Variants in ARID4A observed in about 807,000 individuals in gnomAD.
ARID4A encodes the protein AT-rich interactive domain-containing protein 4A.
ARID4A carries 39 observed loss-of-function variants against 148.6 expected under a neutral mutation model. The observed-to-expected ratio is 0.26, with a 90% CI of 0.20 to 0.34. ARID4A has a LOEUF of 0.34. Among genes scored for constraint, ARID4A ranks in the 10% least tolerant of loss-of-function variants. The pLI is 1.00. For synonymous variants in ARID4A, 475 were observed against 481.2 expected, an observed-to-expected ratio of 0.99 and a Z score of 0.17; for missense variants, 1,265 against 1,449.1, an observed-to-expected ratio of 0.87 and a Z score of 2.06.
Position 58,373,153 on chromosome 14 carries a change from C to A in ARID4A, c.*1164C>A. 1 of 199,978 alleles carries A rather than the reference C, an allele frequency of 5.0e-6. No homozygotes were observed. The highest frequency in any genetic ancestry group is 1.0e-5 in the Non-Finnish European group (1 of 96,756). 12.4% of individuals were successfully genotyped at this position (199,978 alleles called of 1,614,324 possible). ...TTTGAGGATCAAATTTTTGGTTGCC[C>A]TTAAGATACTTTGTCACAGTTTTTA... On this transcript the variant is annotated 3_prime_UTR_variant, in exon 24 of 24. Transcript: ENST00000355431.
intron 23 of ARID4A, among the ~76,000 whole-genome samples, chr14:58,369,607 T>C (rs1474703474): frequency 1.3e-5 from 1 of 78,982 alleles, no homozygotes; most frequent in African/African-American, 4.5e-5. Flanking sequence ...AGAGTGAGAG[T>C]CTGTCTCAAA....
intron 19 of ARID4A, among the ~76,000 whole-genome samples, chr14:58,363,864 T>C (rs8004706): frequency 0.89 from 135,578 of 152,110 alleles, 60,846 homozygotes; most frequent in East Asian, 1. Flanking sequence ...GGTACTAATC[T>C]TTTGATCTTT....
At chr14:58,353,295 A>G (rs936491091) in intron 16 of ARID4A, among the ~76,000 whole-genome samples, 1 of 152,140 alleles carries the variant, frequency 6.6e-6, no homozygotes, top group Admixed American at 6.5e-5. Flanking sequence ...GTCAAAAGTG[A>G]TTGATTACAG....
At position 58,366,039 on chromosome 14, in the gene ARID4A, G is replaced by T. The variant is rs1322503857; in HGVS notation, c.3332G>T (p.Ser1111Ile). ...TTATTTATAGGACAAAGCAGTGATA[G>T]TGAAGATCTTCCTGTCCTAGACAAT... ...EKNGTGQSSD[S>I]EDLPVLDNSS... Residue 1111 changes from serine to isoleucine, a missense_variant, in exon 22 of 24, where the codon AGT (serine) becomes ATT (isoleucine). Coordinates refer to ENST00000355431, the MANE Select transcript of ARID4A (RefSeq NM_002892.4). 6.2e-7 allele frequency: 1 copy of T among 1,612,396 alleles called. No individual in the cohort carries two copies.
chr14:58,360,206 CA>C (rs1194125123), intron 18 of ARID4A, among the ~76,000 whole-genome samples: 5 of 152,152 alleles, frequency 3.3e-5, no homozygotes, highest in Non-Finnish European at 7.4e-5. Context: ...CTTTCAAACT[CA>C]AATTCCTGTA....
intron 11 of ARID4A, among the ~76,000 whole-genome samples, chr14:58,342,782 G>A (rs1455013965): frequency 6.6e-6 from 1 of 152,084 alleles, no homozygotes; most frequent in Non-Finnish European, 1.5e-5. Context: ...GTGTGGTGGT[G>A]CATGCCTGTA....
At chr14:58,328,723 A>G (rs1322448543) in intron 9 of ARID4A, among the ~76,000 whole-genome samples, 2 of 152,128 alleles carry the variant, frequency 1.3e-5, no homozygotes, top group Admixed American at 1.3e-4. Flanking sequence ...GGCCGGGCGC[A>G]GTTGCTGACG....
At position 58,364,521 on chromosome 14, in the gene ARID4A, C is replaced by T. The variant is rs761464174; in HGVS notation, c.2432C>T (p.Ser811Leu). Residue 811 changes from serine to leucine, a missense_variant, in exon 20 of 24, where the codon TCA becomes TTA. Physicochemically the swap from Ser to Leu is moderately radical, Grantham distance 145. Coordinates refer to ENST00000355431, the MANE Select transcript of ARID4A (RefSeq NM_002892.4). The part of the protein sequence containing the change: ...DLSLEIIKIS[S>L]FGQNEAGSEP... ...TCTTTAGAAATTATAAAGATTTCATCATTTGGCCAGAATGAAGCAGGAAGT... is the reference window on the plus strand; with the variant it reads ...TCTTTAGAAATTATAAAGATTTCATTATTTGGCCAGAATGAAGCAGGAAGT... 7 of 1,611,852 alleles carry T rather than the reference C, an allele frequency of 4.3e-6. No homozygotes were observed. The highest frequency in any genetic ancestry group is 5.1e-6 in the Non-Finnish European group (6 of 1,179,646).
At chr14:58,317,854 C>G (rs2032572716) in intron 5 of ARID4A, among the ~76,000 whole-genome samples, 1 of 151,762 alleles carries the variant, frequency 6.6e-6, no homozygotes, top group Non-Finnish European at 1.5e-5. Flanking sequence ...AACTTCTCAG[C>G]TGGGTACAGT....
At chr14:58,324,396 C>G (rs745318220) in intron 8 of ARID4A, among the ~76,000 whole-genome samples, 2 of 152,154 alleles carry the variant, frequency 1.3e-5, no homozygotes, top group Non-Finnish European at 2.9e-5. Flanking sequence ...CTGTTTCAGC[C>G]TCCCAAGCAG....
At chr14:58,323,334 G>T (rs988025456) in intron 7 of ARID4A, 151 bp from the exon 8 acceptor site, 2 of 877,594 alleles carry the variant, frequency 2.3e-6, no homozygotes, top group African/African-American at 1.7e-5. Flanking sequence ...GGCTAAGGAA[G>T]GACCCATGTC....
chr14:58,314,948 G>A (rs903859069), intron 5 of ARID4A, among the ~76,000 whole-genome samples: 7 of 152,128 alleles, frequency 4.6e-5, no homozygotes, highest in Non-Finnish European at 8.8e-5. Flanking sequence ...GTGAAACCCC[G>A]TCTCTACTAA....
Position 58,323,631 on chromosome 14 carries a change from C to T in ARID4A, c.582+14C>T, listed in dbSNP as rs747852841. The T allele has an allele frequency of 6.2e-7, 1 of 1,603,980 alleles. No individual in the cohort carries two copies. Among genetic ancestry groups the T allele is most frequent in the Non-Finnish European group, 8.5e-7 (1 of 1,172,618 alleles). ...TATCCTGCTTTGGTAAGTAAAGTTTCTTTGCAGAGTTAATCAGCCGTCTAA... is the reference window on the plus strand; with the variant it reads ...TATCCTGCTTTGGTAAGTAAAGTTTTTTTGCAGAGTTAATCAGCCGTCTAA... On this transcript the variant is annotated intron_variant, in intron 8 of 23. Transcript: ENST00000355431.
chr14:58,349,455 G>A (rs1303036117), intron 15 of ARID4A, among the ~76,000 whole-genome samples: 5 of 150,924 alleles, frequency 3.3e-5, no homozygotes, highest in African/African-American at 7.3e-5. Context: ...GACCAGCCTC[G>A]CCAATATGGT....
intron 7 of ARID4A, 109 bp from the exon 8 acceptor site, chr14:58,323,376 C>G: frequency 7.8e-7 from 1 of 1,275,706 alleles, no homozygotes; most frequent in Non-Finnish European, 1.1e-6. Context: ...GAGGCTACTA[C>G]TTTAGGGTGT....
chr14:58,353,912 T>C, intron 17 of ARID4A, 57 bp downstream of exon 17: 1 of 1,429,844 alleles, frequency 7.0e-7, no homozygotes, highest in South Asian at 1.2e-5. Flanking sequence ...AAATAGAACA[T>C]CAACTTAATG....
chr14:58,344,773 T>G lies in ARID4A; in HGVS notation c.979+6T>G, dbSNP rs777970753. 1 of 1,601,190 alleles carries G rather than the reference T, an allele frequency of 6.2e-7. No individual in the cohort carries two copies. The highest frequency in any genetic ancestry group is 8.5e-7 in the Non-Finnish European group (1 of 1,169,974). On this transcript the variant is annotated splice_donor_region_variant and intron_variant, in intron 12 of 23. Transcript: ENST00000355431. Reference sequence around the variant, plus strand: ...TAAGTTTATGGAAGACAGAGGTATTTTCATGCTCATTATTTTAAAGTAGTC... The same window carrying G: ...TAAGTTTATGGAAGACAGAGGTATTGTCATGCTCATTATTTTAAAGTAGTC...
chr14:58,329,490 G>T, intron 9 of ARID4A, 38 bp from the exon 10 acceptor site: 3 of 1,340,066 alleles, frequency 2.2e-6, no homozygotes, highest in South Asian at 2.4e-5. Context: ...AATTTTTATT[G>T]AATAAATTGT....
chr14:58,320,479 C>A (rs1366130088), intron 7 of ARID4A, among the ~76,000 whole-genome samples: 2 of 151,970 alleles, frequency 1.3e-5, no homozygotes, highest in African/African-American at 4.8e-5. Context: ...TTATAGCGTC[C>A]CCCAGTTCCC....
Sources: gnomAD v4.1 joint callset for allele counts (sites outside exome capture counted in the v4.1 genomes callset) on GRCh38, gnomAD v4.1.1 for gene constraint, MANE v1.5 for transcripts, NCBI Gene and HGNC (gene_info 2026-07-23, HGNC 2026-07-21) for gene names.